Variants in KIAA1586 observed in about 807,000 individuals in gnomAD.
KIAA1586 encodes KIAA1586, also known as E3 SUMO-protein ligase KIAA1586.
In KIAA1586, 5 loss-of-function variants were observed where a neutral mutation model predicts 6.1. The ratio of observed to expected loss-of-function variants is 0.82; its 90% confidence interval spans 0.43 to 1.73. The LOEUF (loss-of-function observed/expected upper bound fraction) is 1.73, where lower values mean the gene tolerates loss of function less well. Ranked by LOEUF, KIAA1586 falls within the 40% of genes most tolerant of loss-of-function variation. The pLI, the probability that KIAA1586 is intolerant of heterozygous loss-of-function variation, is 0.02. For synonymous variants in KIAA1586, 280 were observed against 301.7 expected, an observed-to-expected ratio of 0.93 and a Z score of 0.75; for missense variants, 899 against 878.2, an observed-to-expected ratio of 1.02 and a Z score of -0.30.
In KIAA1586 at chr6:57,053,832, G is replaced by A. The variant is rs751305056; in HGVS notation, c.1333G>A (p.Asp445Asn). The A allele has an allele frequency of 2.7e-6, 4 of 1,492,022 alleles. No homozygotes were observed. In the South Asian group the frequency reaches 5.3e-5, roughly 20 times the overall value. The allele number at this position is 1,492,022 out of a possible 1,614,324, so 92.4% of individuals were successfully genotyped here. A position where few individuals can be genotyped will look rare whatever the true frequency, so the allele number is the denominator to read the frequency against. ...AATTAATCATTTAAAAATATTTATT[G>A]ATAAAATTTATTCTATTTATCATCA... ...KQINHLKIFI[D>N]KIYSIYHQPN... The change falls in exon 4 of 4, where the codon GAT becomes AAT. Residue 445 changes from aspartate to asparagine, a missense_variant. Transcript: ENST00000370733.
At position 57,054,290 on chromosome 6, in the gene KIAA1586, A is replaced by T. The variant is rs960490502; in HGVS notation, c.1791A>T (p.Lys597Asn). 17 of 1,580,594 alleles carry T rather than the reference A, an allele frequency of 1.1e-5. No homozygotes were observed. Among genetic ancestry groups the T allele is most frequent in the Non-Finnish European group, 1.5e-5 (17 of 1,166,664 alleles). Residue 597 changes from lysine to asparagine, a missense_variant, in exon 4 of 4, where the codon AAA becomes AAT. Physicochemically the swap from Lys to Asn is moderately conservative, Grantham distance 94. Coordinates refer to ENST00000370733, the MANE Select transcript of KIAA1586 (RefSeq NM_020931.4). Reference sequence around the variant, plus strand: ...ATATTCCATTTAATAAAAACAATAAATTTAATGCTCTTCCTAGGAGTATAT... The same window carrying T: ...ATATTCCATTTAATAAAAACAATAATTTTAATGCTCTTCCTAGGAGTATAT... The part of the protein sequence containing the change: ...FKDIPFNKNN[K>N]FNALPRSILL...
chr6:57,057,796 T>C (rs77735936), downstream of KIAA1586, among the ~76,000 whole-genome samples: 106 of 152,236 alleles, frequency 7.0e-4, 3 homozygotes, highest in East Asian at 0.019. Flanking sequence ...TTTTTAATAA[T>C]TAAATGTTAA....
chr6:57,048,845 AAC>A (rs1828250701), intron 2 of KIAA1586, among the ~76,000 whole-genome samples: 2 of 152,200 alleles, frequency 1.3e-5, no homozygotes, highest in South Asian at 4.1e-4. Context: ...GCCGTTGAGA[AAC>A]ACAGATGGGA....
downstream of KIAA1586, among the ~76,000 whole-genome samples, chr6:57,056,460 C>T (rs1346977431): frequency 1.3e-5 from 2 of 151,948 alleles, no homozygotes; most frequent in Non-Finnish European, 2.9e-5. Flanking sequence ...GCGCCTGCCT[C>T]AGCCTCCCAA....
At chr6:57,062,583 C>A in the KIAA1586 span, among the ~76,000 whole-genome samples, 1 of 152,082 alleles carries the variant, frequency 6.6e-6, no homozygotes, top group Non-Finnish European at 1.5e-5. Flanking sequence ...AGATGGCCAG[C>A]AATAGTTTAA....
rs1340730216 is a variant in KIAA1586, at chr6:57,053,590, A to G, written c.1091A>G (p.Asn364Ser). Residue 364 changes from asparagine (N) to serine (S), a missense_variant, in exon 4 of 4, where the codon AAT becomes AGT. Physicochemically the swap from Asn to Ser is conservative, Grantham distance 46. Coordinates refer to ENST00000370733, the MANE Select transcript of KIAA1586 (RefSeq NM_020931.4). The stretch of plus-strand genomic sequence containing the variant: ...TCAACTATAGCAGAGTGTATTGTCA[A>G]TACATTATTGACTACTTTAAATGAT... Reference protein sequence around the residue: ...LVSTIAECIVNTLLTTLNDCG... With the variant: ...LVSTIAECIVSTLLTTLNDCG... 1.2e-6 allele frequency: 2 copies of G among 1,610,720 alleles called. No homozygotes were observed. The highest frequency in any genetic ancestry group is 1.3e-5 in the African/African-American group (1 of 74,794).
At chr6:57,063,400 T>G in the KIAA1586 span, among the ~76,000 whole-genome samples, 2 of 151,336 alleles carry the variant, frequency 1.3e-5, no homozygotes, top group Non-Finnish European at 2.9e-5. Context: ...AAATGTAAAA[T>G]AATTTAACTT....
chr6:57,049,930 G>T (rs1828276690), intron 2 of KIAA1586, among the ~76,000 whole-genome samples: 1 of 152,060 alleles, frequency 6.6e-6, no homozygotes, highest in South Asian at 2.1e-4. Context: ...ATAAAGCAGG[G>T]TTATCAAAGA....
chr6:57,046,728 T>A lies in KIAA1586; in HGVS notation c.-28T>A, dbSNP rs751214126. 1 of 1,612,106 alleles carries A rather than the reference T, an allele frequency of 6.2e-7. No homozygotes were observed. Among genetic ancestry groups the A allele is most frequent in the Admixed American group, 1.7e-5 (1 of 59,898 alleles). On this transcript the variant is annotated 5_prime_UTR_variant, in exon 1 of 4. Transcript: ENST00000370733. ...GCGGCAGTAGGGACAGCAGGAGCAGTGGTGCTGTCAGCGCGGCCGTCGGAG... is the reference window on the plus strand; with the variant it reads ...GCGGCAGTAGGGACAGCAGGAGCAGAGGTGCTGTCAGCGCGGCCGTCGGAG...
downstream of KIAA1586, among the ~76,000 whole-genome samples, chr6:57,056,026 T>C (rs1372626176): frequency 1.3e-5 from 2 of 152,042 alleles, no homozygotes; most frequent in African/African-American, 4.8e-5. Context: ...GTTGTAAGTT[T>C]GGCCAGATGT....
At chr6:57,051,811 A>G (rs865982943) in intron 3 of KIAA1586, among the ~76,000 whole-genome samples, 6 of 152,036 alleles carry the variant, frequency 3.9e-5, no homozygotes, top group East Asian at 1.9e-4. Context: ...GTGCATGCCT[A>G]TAGTCCCAAC....
Position 57,054,579 on chromosome 6 carries a change from A to T in KIAA1586, c.2080A>T (p.Lys694Ter). 1 of 1,608,238 alleles carries T rather than the reference A, an allele frequency of 6.2e-7. No individual in the cohort carries two copies. Among genetic ancestry groups the T allele is most frequent in the East Asian group, 2.2e-5 (1 of 44,728 alleles). Residue 694 changes from lysine to a stop codon, truncating the protein, a stop_gained, in exon 4 of 4, where the codon AAA (lysine) becomes TAA (stop). Coordinates refer to ENST00000370733, the MANE Select transcript of KIAA1586 (RefSeq NM_020931.4). LOFTEE classifies it low-confidence loss of function (END_TRUNC). ...VSIPTTIYKAKKIVSTIAINS... is the reference protein window; with the variant it reads ...VSIPTTIYKA ...AATTCCTACAACTATATACAAAGCTAAAAAGATAGTTAGCACCATTGCAAT... is the reference window on the plus strand; with the variant it reads ...AATTCCTACAACTATATACAAAGCTTAAAAGATAGTTAGCACCATTGCAAT...
chr6:57,061,267 C>T, the KIAA1586 span, among the ~76,000 whole-genome samples: 1,831 of 152,294 alleles, frequency 0.012, 41 homozygotes, highest in African/African-American at 0.041. Context: ...TGAGCCACCG[C>T]GCCCGGCCAT....
chr6:57,047,001 G>A, intron 1 of KIAA1586: 1 of 577,774 alleles, frequency 1.7e-6, no homozygotes, highest in Non-Finnish European at 2.8e-6. Flanking sequence ...TTGTGGCCGC[G>A]GCTGGGCCAG....
the KIAA1586 span, among the ~76,000 whole-genome samples, chr6:57,061,936 C>CTT: frequency 7.3e-6 from 1 of 136,640 alleles, no homozygotes. Context: ...CCTAGGTTTT[C>CTT]TTTTTTTTTT....
Position 57,054,161 on chromosome 6 carries a change from A to G in KIAA1586, c.1662A>G (p.Gln554=). 3 of 1,588,502 alleles carry G rather than the reference A, an allele frequency of 1.9e-6. No individual in the cohort carries two copies. Among genetic ancestry groups the G allele is most frequent in the Non-Finnish European group, 1.7e-6 (2 of 1,170,364 alleles). Residue 554 remains glutamine, a synonymous_variant, in exon 4 of 4, where the codon CAA becomes CAG. Transcript: ENST00000370733. Reference sequence around the variant, plus strand: ...GATCAACTAATATTAAGAAAGCACAAAAATTGATCAAACGTACCATAAGAG... The same window carrying G: ...GATCAACTAATATTAAGAAAGCACAGAAATTGATCAAACGTACCATAAGAG... ...QSRSTNIKKA[Q]KLIKRTIRAL... is the part of the protein sequence containing the mutation.
intron 2 of KIAA1586, among the ~76,000 whole-genome samples, chr6:57,047,953 T>TA (rs1246136707): frequency 2.1e-5 from 3 of 143,938 alleles, no homozygotes; most frequent in African/African-American, 5.4e-5. Context: ...TTTCAAGCCT[T>TA]AGTAAGTATA....
rs746332439 is a variant in KIAA1586, at chr6:57,052,823, C to G, written c.324C>G (p.Phe108Leu). 5 of 1,613,502 alleles carry G rather than the reference C, an allele frequency of 3.1e-6. No individual in the cohort carries two copies. In the South Asian group the frequency reaches 5.5e-5, roughly 18 times the overall value. The change falls in exon 4 of 4, where the codon TTC becomes TTG. Residue 108 changes from phenylalanine to leucine, a missense_variant. By Grantham distance (22) the Phe-to-Leu change is conservative. Transcript: ENST00000370733. ...CRLSKAKEPH[F>L]EYIEQPIIEE... is the part of the protein sequence containing the mutation. Reference sequence around the variant, plus strand: ...TGTCTAAGGCAAAGGAACCACATTTCGAGTATATTGAACAACCAATCATTG... The same window carrying G: ...TGTCTAAGGCAAAGGAACCACATTTGGAGTATATTGAACAACCAATCATTG...
At chr6:57,061,540 A>G in the KIAA1586 span, among the ~76,000 whole-genome samples, 1 of 152,012 alleles carries the variant, frequency 6.6e-6, no homozygotes, top group Non-Finnish European at 1.5e-5. Flanking sequence ...CTACAGGCAC[A>G]TGCCATCATG....
Sources: gnomAD v4.1 joint callset for allele counts (sites outside exome capture counted in the v4.1 genomes callset) on GRCh38, gnomAD v4.1.1 for gene constraint, MANE v1.5 for transcripts, NCBI Gene and HGNC (gene_info 2026-07-23, HGNC 2026-07-21) for gene names.